Variants in ATP10A observed in about 807,000 individuals in gnomAD.
ATP10A encodes ATPase phospholipid transporting 10A (putative), also known as phospholipid-transporting ATPase VA.
A neutral mutation model predicts 147.8 loss-of-function variants in ATP10A; 111 were observed. The observed-to-expected ratio is 0.75, with a 90% CI of 0.64 to 0.88. The LOEUF is 0.88. ATP10A is among the 40% of genes least tolerant of loss of function. The pLI is 0.00. For missense variants in ATP10A, 1,927 were observed against 1,959.0 expected, an observed-to-expected ratio of 0.98 and a Z score of 0.31; for synonymous variants, 875 against 841.6, an observed-to-expected ratio of 1.04 and a Z score of -0.69.
intron 1 of ATP10A, among the ~76,000 whole-genome samples, chr15:25,823,123 A>G (rs1257127889): frequency 1.3e-5 from 2 of 152,168 alleles, no homozygotes; most frequent in Non-Finnish European, 2.9e-5. Flanking sequence ...TGAAACAGAA[A>G]CTGGGGTTTG....
At chr15:25,828,613 C>T (rs563087906) in intron 1 of ATP10A, among the ~76,000 whole-genome samples, 5 of 152,296 alleles carry the variant, frequency 3.3e-5, no homozygotes, top group Admixed American at 1.3e-4. Context: ...ATCCAACACA[C>T]CAAAACATAC....
At chr15:25,741,194 A>G (rs1297372783) in intron 2 of ATP10A, among the ~76,000 whole-genome samples, 1 of 152,046 alleles carries the variant, frequency 6.6e-6, no homozygotes, top group Admixed American at 6.6e-5. Context: ...GAGCACAGGT[A>G]CTCTGTGCCC....
Position 25,721,762 on chromosome 15 carries a change from G to T in ATP10A, c.1258C>A (p.Gln420Lys), listed in dbSNP as rs147590892. The T allele has an allele frequency of 1.2e-4, 187 of 1,614,168 alleles. No individual in the cohort carries two copies. The African/African-American group carries it at 2.2e-3, about 19-fold the overall frequency. Reference protein sequence around the residue: ...RALNITEDLGQIQYIFSDKTG... With the variant: ...RALNITEDLGKIQYIFSDKTG... The stretch of plus-strand genomic sequence containing the variant: ...TTATCTGAGAAAATGTACTGTATCT[G>T]TCCTAAGTCTTCCGTGATGTTCAGA... Residue 420 changes from glutamine to lysine, a missense_variant, in exon 7 of 21, where the codon CAG becomes AAG. Transcript: ENST00000555815.
chr15:25,687,610 C>A, intron 16 of ATP10A, 93 bp downstream of exon 16: 5 of 793,290 alleles, frequency 6.3e-6, no homozygotes, highest in Admixed American at 5.2e-5. Context: ...CATGGCCTCC[C>A]ATCTGCTCCA....
chr15:25,742,320 A>G (rs1455002848), intron 2 of ATP10A, among the ~76,000 whole-genome samples: 1 of 152,256 alleles, frequency 6.6e-6, no homozygotes, highest in Non-Finnish European at 1.5e-5. Context: ...AAACTGATCA[A>G]GGGGTGTCTG....
chr15:25,750,533 C>T (rs182721992), intron 2 of ATP10A, among the ~76,000 whole-genome samples: 61 of 152,194 alleles, frequency 4.0e-4, no homozygotes, highest in African/African-American at 1.3e-3. Context: ...GAAAAGGCAA[C>T]TGTTTGTTTG....
At chr15:25,687,918 GA>G (rs747600587) in intron 15 of ATP10A, 90 bp from the exon 16 acceptor site, 87 of 1,577,014 alleles carry the variant, frequency 5.5e-5, no homozygotes, top group Non-Finnish European at 7.1e-5. Context: ...ACACAACAGG[GA>G]AGGAAAATCC....
intron 1 of ATP10A, among the ~76,000 whole-genome samples, chr15:25,844,599 G>A (rs1892936141): frequency 6.6e-6 from 1 of 152,120 alleles, no homozygotes; most frequent in African/African-American, 2.4e-5. Context: ...CTTACTCAGG[G>A]TGCAGCCCCC....
At chr15:25,796,106 T>C (rs1308043570) in intron 1 of ATP10A, among the ~76,000 whole-genome samples, 2 of 152,176 alleles carry the variant, frequency 1.3e-5, no homozygotes, top group Admixed American at 6.5e-5. Flanking sequence ...TATTCCTTTA[T>C]AGCAACACAA....
At chr15:25,688,856 G>A (rs925759398) in intron 15 of ATP10A, among the ~76,000 whole-genome samples, 2 of 152,186 alleles carry the variant, frequency 1.3e-5, no homozygotes, top group Admixed American at 1.3e-4. Context: ...ACACATAGGG[G>A]CTTAAAAGGT....
chr15:25,757,046 T>C (rs1175169820), intron 2 of ATP10A, among the ~76,000 whole-genome samples: 1 of 152,228 alleles, frequency 6.6e-6, no homozygotes, highest in East Asian at 1.9e-4. Flanking sequence ...TCAAAAAATC[T>C]TTTTGGTAAC....
intron 2 of ATP10A, among the ~76,000 whole-genome samples, chr15:25,739,781 CTGT>C (rs927010787): frequency 1.0e-3 from 158 of 152,310 alleles, no homozygotes; most frequent in African/African-American, 3.5e-3. Context: ...CTCACAGTTT[CTGT>C]TGTTGTCTTA....
chr15:25,763,973 G>T (rs1428898283), intron 2 of ATP10A, among the ~76,000 whole-genome samples: 1 of 152,160 alleles, frequency 6.6e-6, no homozygotes, highest in Non-Finnish European at 1.5e-5. Context: ...CACAGAAGCG[G>T]ATTATCCCAC....
chr15:25,790,497 G>A (rs181103208), intron 1 of ATP10A, among the ~76,000 whole-genome samples: 1 of 152,246 alleles, frequency 6.6e-6, no homozygotes, highest in Non-Finnish European at 1.5e-5. Flanking sequence ...CAGAGGGCAG[G>A]GCCTCTGGCC....
intron 1 of ATP10A, among the ~76,000 whole-genome samples, chr15:25,822,481 G>GC (rs1891932352): frequency 6.6e-6 from 1 of 152,062 alleles, no homozygotes; most frequent in Non-Finnish European, 1.5e-5. Flanking sequence ...TGGCAGGCAG[G>GC]CCCCAGGGTC....
In ATP10A at chr15:25,707,989, G is replaced by A. The variant is rs1457077996; in HGVS notation, c.2562C>T (p.Asn854=). Residue 854 remains asparagine, a synonymous_variant, in exon 12 of 21, where the codon AAC becomes AAT. Coordinates refer to ENST00000555815, the MANE Select transcript of ATP10A (RefSeq NM_024490.4). ...LFQSAIRLET[N]LHLLGATGIE... ...CAAGTTAATTACCTAACAAGTGCAGGTTGGTCTCCAGGCGAATGGCAGACT... is the reference window on the plus strand; with the variant it reads ...CAAGTTAATTACCTAACAAGTGCAGATTGGTCTCCAGGCGAATGGCAGACT... 6.2e-7 allele frequency: 1 copy of A among 1,614,046 alleles called. No homozygotes were observed. The highest frequency in any genetic ancestry group is 8.5e-7 in the Non-Finnish European group (1 of 1,180,046).
chr15:25,712,065 C>A (rs939856872), intron 10 of ATP10A, among the ~76,000 whole-genome samples: 1 of 152,164 alleles, frequency 6.6e-6, no homozygotes, highest in Non-Finnish European at 1.5e-5. Flanking sequence ...ATGCTCTATC[C>A]ACTCTGGGAA....
intron 16 of ATP10A, among the ~76,000 whole-genome samples, chr15:25,687,351 T>C (rs914695317): frequency 5.3e-5 from 8 of 152,054 alleles, no homozygotes; most frequent in Non-Finnish European, 1.2e-4. Context: ...CTGGGTGGCC[T>C]GGGGTGAACG....
At chr15:25,835,672 ACC>A (rs1892558775) in intron 1 of ATP10A, among the ~76,000 whole-genome samples, 1 of 152,066 alleles carries the variant, frequency 6.6e-6, no homozygotes, top group Non-Finnish European at 1.5e-5. Context: ...ATATTCTGTC[ACC>A]CAGGCTGGAG....
Sources: gnomAD v4.1 joint callset for allele counts (sites outside exome capture counted in the v4.1 genomes callset) on GRCh38, gnomAD v4.1.1 for gene constraint, MANE v1.5 for transcripts, NCBI Gene and HGNC (gene_info 2026-07-23, HGNC 2026-07-21) for gene names.